The following SSBP3 variants were observed in gnomAD, a reference collection of about 807,000 sequenced individuals.
The protein encoded by SSBP3 is single stranded DNA binding protein 3.
Under a neutral mutation model 69.6 loss-of-function variants are expected in SSBP3, and 5 were observed. That is an observed-to-expected ratio of 0.07 (90% CI 0.04 to 0.15). SSBP3 has a LOEUF of 0.15. SSBP3 is among the 10% of genes least tolerant of loss of function. The probability of loss-of-function intolerance (pLI) is 1.00; values close to 1 mark genes in which losing one functional copy is unlikely to be tolerated. For synonymous variants in SSBP3, 196 were observed against 193.4 expected (o/e 1.01, Z -0.11); for missense variants, 312 against 534.0 (o/e 0.58, Z 4.10).
chr1:54,327,490 C>A (rs1646331261), intron 4 of SSBP3, among the ~76,000 whole-genome samples: 1 of 152,116 alleles, frequency 6.6e-6, no homozygotes, highest in Admixed American at 6.5e-5. Context: ...GTGCTGACCT[C>A]AAGGCTCAGG....
At chr1:54,335,496 C>T (rs1646492560) in intron 4 of SSBP3, among the ~76,000 whole-genome samples, 1 of 152,192 alleles carries the variant, frequency 6.6e-6, no homozygotes, top group Non-Finnish European at 1.5e-5. Flanking sequence ...ATCTGCCCTG[C>T]ATGGCTGGCA....
rs147170976 is a variant in SSBP3, at chr1:54,250,237, T to C, written c.651+1379A>G. ...TTGAGGAAGGAACACAACCAGAATA[T>C]TGGAGCTGCAACTGCTGTGGGCTTG... On this transcript the variant is annotated intron_variant, in intron 9 of 17. Transcript: ENST00000610401. Among the ~76,000 whole-genome samples, 51 of 152,352 alleles carry C rather than the reference T, an allele frequency of 3.3e-4. No individual in the cohort carries two copies. In the East Asian group the frequency reaches 8.9e-3, roughly 26 times the overall value.
chr1:54,367,431 C>T (rs1647046691), intron 4 of SSBP3, among the ~76,000 whole-genome samples: 1 of 152,166 alleles, frequency 6.6e-6, no homozygotes, highest in East Asian at 1.9e-4. Flanking sequence ...AGCATTCAGA[C>T]AAATGGGTCT....
At chr1:54,306,477 C>T (rs957699572) in intron 4 of SSBP3, among the ~76,000 whole-genome samples, 10 of 152,216 alleles carry the variant, frequency 6.6e-5, no homozygotes. Flanking sequence ...ACTGCAGCCT[C>T]ACCTGAGGCC....
chr1:54,395,426 A>G (rs1162033943), intron 4 of SSBP3, among the ~76,000 whole-genome samples: 2 of 152,234 alleles, frequency 1.3e-5, no homozygotes, highest in Admixed American at 1.3e-4. Context: ...TGCAGTGGCC[A>G]TATGCAGGAG....
chr1:54,376,163 C>A (rs1476656684), intron 4 of SSBP3, among the ~76,000 whole-genome samples: 1 of 151,896 alleles, frequency 6.6e-6, no homozygotes, highest in Admixed American at 6.6e-5. Context: ...TCCCCTCCAC[C>A]CTGTTCACTC....
chr1:54,367,061 G>T (rs1272557024), intron 4 of SSBP3, among the ~76,000 whole-genome samples: 1 of 152,192 alleles, frequency 6.6e-6, no homozygotes, highest in South Asian at 2.1e-4. Context: ...AGCATGCAAA[G>T]ATCTGATACA....
At chr1:54,321,664 C>T (rs1039603487) in intron 4 of SSBP3, among the ~76,000 whole-genome samples, 2 of 152,236 alleles carry the variant, frequency 1.3e-5, no homozygotes, top group Admixed American at 6.5e-5. Context: ...GAAGAATGCA[C>T]GCACAGCTTC....
At chr1:54,288,212 A>T (rs1645527579) in intron 4 of SSBP3, among the ~76,000 whole-genome samples, 1 of 152,186 alleles carries the variant, frequency 6.6e-6, no homozygotes, top group Non-Finnish European at 1.5e-5. Flanking sequence ...TTATTAAGAC[A>T]AAAGAGTCCT....
At chr1:54,299,278 T>C (rs1050589875) in intron 4 of SSBP3, among the ~76,000 whole-genome samples, 3 of 152,122 alleles carry the variant, frequency 2.0e-5, no homozygotes, top group African/African-American at 4.8e-5. Context: ...TTGCCAAGAA[T>C]GGAGCCACCC....
intron 14 of SSBP3, among the ~76,000 whole-genome samples, chr1:54,236,119 A>AT (rs147285753): frequency 1.9e-4 from 28 of 150,266 alleles, no homozygotes; most frequent in Non-Finnish European, 3.0e-4. Context: ...GTGTTTATGT[A>AT]TTTTTTTTTT....
At chr1:54,327,381 T>C (rs976158315) in intron 4 of SSBP3, among the ~76,000 whole-genome samples, 1 of 152,122 alleles carries the variant, frequency 6.6e-6, no homozygotes, top group African/African-American at 2.4e-5. Context: ...AGGCCTGGGA[T>C]CTGCTAAGCC....
At chr1:54,386,843 C>T (rs1298546586) in intron 4 of SSBP3, among the ~76,000 whole-genome samples, 1 of 151,612 alleles carries the variant, frequency 6.6e-6, no homozygotes, top group Non-Finnish European at 1.5e-5. Context: ...CCCAGTTGAA[C>T]TGGCTCTACT....
intron 4 of SSBP3, among the ~76,000 whole-genome samples, chr1:54,287,647 C>T (rs6690777): frequency 0.37 from 55,480 of 150,980 alleles, 10,809 homozygotes; most frequent in African/African-American, 0.5. Flanking sequence ...TGGAGTAACC[C>T]GGGTCCCTCT....
chr1:54,326,762 C>G (rs949292159), intron 4 of SSBP3, among the ~76,000 whole-genome samples: 2 of 152,138 alleles, frequency 1.3e-5, no homozygotes, highest in Non-Finnish European at 2.9e-5. Flanking sequence ...CCATCATTTC[C>G]GTGTCTCCCC....
At chr1:54,324,561 C>T (rs375583801) in intron 4 of SSBP3, among the ~76,000 whole-genome samples, 5 of 152,278 alleles carry the variant, frequency 3.3e-5, no homozygotes, top group South Asian at 2.1e-4. Context: ...TACCCTCCCA[C>T]GCAGCAACCC....
At chr1:54,253,275 T>C (rs1644864644) in intron 7 of SSBP3, among the ~76,000 whole-genome samples, 1 of 145,160 alleles carries the variant, frequency 6.9e-6, no homozygotes, top group Non-Finnish European at 1.5e-5. Flanking sequence ...CACTGCAGCC[T>C]CGAACTCCCA....
intron 14 of SSBP3, chr1:54,238,474 GC>G: frequency 2.6e-6 from 1 of 377,932 alleles, no homozygotes; most frequent in East Asian, 7.3e-5. Flanking sequence ...AGCAGATCAG[GC>G]CCCGACCTCG....
chr1:54,240,092 GCGCGCGC>G, intron 13 of SSBP3, among the ~76,000 whole-genome samples: 1 of 10,924 alleles, frequency 9.2e-5, no homozygotes, highest in East Asian at 0.021. Flanking sequence ...GTGTGTGCGC[GCGCGCGC>G]GTGTGCGTGC....
Sources: allele counts gnomAD v4.1 joint callset (sites outside exome capture counted in the v4.1 genomes callset), GRCh38; gene constraint gnomAD v4.1.1; transcripts MANE v1.5; gene names NCBI Gene and HGNC (gene_info 2026-07-23, HGNC 2026-07-21).